The following KCTD16 variants were observed in gnomAD, a reference collection of about 807,000 sequenced individuals.
KCTD16 encodes potassium channel tetramerization domain containing 16.
A neutral mutation model predicts 33.2 loss-of-function variants in KCTD16; 13 were observed. The ratio of observed to expected loss-of-function variants is 0.39; its 90% confidence interval spans 0.25 to 0.62. The LOEUF (loss-of-function observed/expected upper bound fraction) is 0.62. Ranked by LOEUF, KCTD16 falls within the 20% of genes least tolerant of loss-of-function variation. The pLI is 0.50. For synonymous variants in KCTD16, 197 were observed against 195.3 expected (o/e 1.01, Z -0.07); for missense variants, 441 against 525.1 (o/e 0.84, Z 1.57).
intron 3 of KCTD16, among the ~76,000 whole-genome samples, chr5:144,442,909 G>GT (rs1225608191): frequency 1.3e-5 from 2 of 151,954 alleles, no homozygotes; most frequent in Non-Finnish European, 2.9e-5. Context: ...TGTTGTTGTT[G>GT]TTTTTTCCTT....
intron 3 of KCTD16, among the ~76,000 whole-genome samples, chr5:144,461,239 A>C (rs1754187485): frequency 6.6e-6 from 1 of 152,226 alleles, no homozygotes; most frequent in Non-Finnish European, 1.5e-5. Context: ...TTACAGGAAA[A>C]GCATGGAAAA....
chr5:144,279,293 T>C (rs1363475132), intron 3 of KCTD16, among the ~76,000 whole-genome samples: 1 of 152,340 alleles, frequency 6.6e-6, no homozygotes, highest in Non-Finnish European at 1.5e-5. Context: ...CATTTTTTTT[T>C]ATTTTTTGTA....
intron 3 of KCTD16, among the ~76,000 whole-genome samples, chr5:144,348,976 G>T (rs964834066): frequency 2.0e-5 from 3 of 152,130 alleles, no homozygotes; most frequent in Non-Finnish European, 4.4e-5. Context: ...GCAAAAACGG[G>T]CCTGTGTAGG....
chr5:144,215,097 A>G (rs895345189), intron 3 of KCTD16, among the ~76,000 whole-genome samples: 1 of 152,164 alleles, frequency 6.6e-6, no homozygotes, highest in Admixed American at 6.6e-5. Flanking sequence ...GTTATTTTCT[A>G]ACTTTCACTG....
rs115129790 is a variant in KCTD16, at chr5:144,255,059, C to T, written c.832+47513C>T. On this transcript the variant is annotated intron_variant, in intron 3 of 3. Coordinates refer to ENST00000512467, the MANE Select transcript of KCTD16 (RefSeq NM_020768.4). Reference sequence around the variant, plus strand: ...GGATTACAGGCATGAGCCACCATGTCCAGCTCAGTATTTATTTCTGTGATG... The same window carrying T: ...GGATTACAGGCATGAGCCACCATGTTCAGCTCAGTATTTATTTCTGTGATG... Among the ~76,000 whole-genome samples, 1,488 of 152,244 alleles carry T rather than the reference C, an allele frequency of 9.8e-3. 21 individuals carry two copies. The highest frequency in any genetic ancestry group is 0.034 in the African/African-American group (1,398 of 41,530).
intron 3 of KCTD16, among the ~76,000 whole-genome samples, chr5:144,319,031 T>C: frequency 6.6e-6 from 1 of 152,194 alleles, no homozygotes; most frequent in Middle Eastern, 3.4e-3. Context: ...AATATTCAAA[T>C]AACTAATGCA....
intron 3 of KCTD16, among the ~76,000 whole-genome samples, chr5:144,333,889 C>T (rs1752418084): frequency 4.6e-5 from 7 of 152,140 alleles, no homozygotes; most frequent in Admixed American, 4.6e-4. Context: ...CATCTGGCTC[C>T]CTCTTTTCCC....
intron 3 of KCTD16, among the ~76,000 whole-genome samples, chr5:144,375,770 G>C (rs1265577974): frequency 6.6e-6 from 1 of 152,014 alleles, no homozygotes; most frequent in Non-Finnish European, 1.5e-5. Context: ...AATATTCTAG[G>C]ACCGTCACAT....
intron 3 of KCTD16, among the ~76,000 whole-genome samples, chr5:144,213,299 A>G (rs369613584): frequency 6.6e-6 from 1 of 152,068 alleles, no homozygotes; most frequent in Non-Finnish European, 1.5e-5. Context: ...TCCATCTTAC[A>G]TCTCTTTTAA....
chr5:144,319,282 C>A (rs961747180), intron 3 of KCTD16, among the ~76,000 whole-genome samples: 1 of 152,060 alleles, frequency 6.6e-6, no homozygotes, highest in Non-Finnish European at 1.5e-5. Flanking sequence ...GATGAAGAAA[C>A]TAAAGAATAG....
chr5:144,176,045 A>G (rs6875066), intron 2 of KCTD16, among the ~76,000 whole-genome samples: 23,207 of 152,122 alleles, frequency 0.15, 1,942 homozygotes, highest in Admixed American at 0.25. Flanking sequence ...TCTCTGTCCA[A>G]GATCTTTCAA....
At chr5:144,329,340 A>G (rs29894) in intron 3 of KCTD16, among the ~76,000 whole-genome samples, 50,895 of 151,954 alleles carry the variant, frequency 0.33, 9,215 homozygotes, top group African/African-American at 0.47. Context: ...AGGATTTATG[A>G]CCCCAGGGTT....
chr5:144,308,732 A>G (rs549052016), intron 3 of KCTD16, among the ~76,000 whole-genome samples: 4 of 147,012 alleles, frequency 2.7e-5, no homozygotes, highest in Non-Finnish European at 6.0e-5. Context: ...AAAGATAGAT[A>G]AACCTGCCTC....
At chr5:144,451,461 G>A (rs1753940161) in intron 3 of KCTD16, among the ~76,000 whole-genome samples, 1 of 152,098 alleles carries the variant, frequency 6.6e-6, no homozygotes, top group Admixed American at 6.6e-5. Context: ...AAGACAGAAT[G>A]GCTAAGAAGA....
intron 3 of KCTD16, among the ~76,000 whole-genome samples, chr5:144,457,765 A>C (rs1754100769): frequency 2.0e-5 from 3 of 152,220 alleles, no homozygotes; most frequent in Admixed American, 2.0e-4. Flanking sequence ...ATGTAAAGAA[A>C]CTGGCAAGGT....
intron 3 of KCTD16, among the ~76,000 whole-genome samples, chr5:144,220,009 A>G (rs1753693848): frequency 6.6e-6 from 1 of 151,766 alleles, no homozygotes; most frequent in Admixed American, 6.6e-5. Flanking sequence ...ACATATCACA[A>G]CTCACATTCC....
intron 3 of KCTD16, among the ~76,000 whole-genome samples, chr5:144,394,628 G>T (rs1752524860): frequency 6.6e-6 from 1 of 152,226 alleles, no homozygotes; most frequent in Admixed American, 6.5e-5. Flanking sequence ...AGTGAGATGT[G>T]AATGGATCAT....
intron 3 of KCTD16, among the ~76,000 whole-genome samples, chr5:144,320,782 A>G (rs556695202): frequency 9.3e-5 from 14 of 150,048 alleles, no homozygotes; most frequent in African/African-American, 2.9e-4. Context: ...CACTTTTTCC[A>G]TACTAGCTTT....
At chr5:144,320,273 G>GA (rs1385640681) in intron 3 of KCTD16, among the ~76,000 whole-genome samples, 5 of 151,966 alleles carry the variant, frequency 3.3e-5, no homozygotes, top group Non-Finnish European at 7.4e-5. Flanking sequence ...GGCTAAAAAG[G>GA]AAAAAGGTAT....
Sources: allele counts gnomAD v4.1 joint callset (sites outside exome capture counted in the v4.1 genomes callset), GRCh38; gene constraint gnomAD v4.1.1; transcripts MANE v1.5; gene names NCBI Gene and HGNC (gene_info 2026-07-23, HGNC 2026-07-21).